The following GLRB variants were observed in gnomAD, a reference collection of about 807,000 sequenced individuals.
GLRB encodes glycine receptor beta.
In GLRB, 33 loss-of-function variants were observed where a neutral mutation model predicts 54.2. That is an observed-to-expected ratio of 0.61 (90% CI 0.46 to 0.81). The LOEUF (loss-of-function observed/expected upper bound fraction) is 0.81, where lower values mean the gene tolerates loss of function less well. Ranked by LOEUF, GLRB falls within the 40% of genes least tolerant of loss-of-function variation. The pLI, the probability that GLRB is intolerant of heterozygous loss-of-function variation, is 0.00. For synonymous variants in GLRB, 209 were observed against 208.2 expected (o/e 1.00, Z -0.03); for missense variants, 572 against 584.6 (o/e 0.98, Z 0.22).
At chr4:157,096,180 C>G (rs564256432) in intron 2 of GLRB, among the ~76,000 whole-genome samples, 31 of 152,266 alleles carry the variant, frequency 2.0e-4, no homozygotes, top group African/African-American at 7.5e-4. Flanking sequence ...CAATCACACC[C>G]CCATTCCTCG....
At chr4:157,125,515 T>A (rs1419383309) in intron 4 of GLRB, among the ~76,000 whole-genome samples, 1 of 151,908 alleles carries the variant, frequency 6.6e-6, no homozygotes, top group Admixed American at 6.6e-5. Context: ...AATTTAAAAT[T>A]TCACAGTAGT....
At position 157,104,196 on chromosome 4, in the gene GLRB, T is replaced by C. The variant is rs542833853; in HGVS notation, c.123-16360T>C. Among the ~76,000 whole-genome samples, 16 of 152,338 alleles carry C rather than the reference T, an allele frequency of 1.1e-4. No individual in the cohort carries two copies. The East Asian group carries it at 1.3e-3, about 13-fold the overall frequency. On this transcript the variant is annotated intron_variant, in intron 2 of 9. Coordinates refer to ENST00000264428, the MANE Select transcript of GLRB (RefSeq NM_000824.5). ...TGATGTTCTCTGTGAGCTTTTCATA[T>C]AGGACTTTTATAATGTGAAGTAATT...
At chr4:157,090,701 A>G (rs1175541909) in intron 2 of GLRB, among the ~76,000 whole-genome samples, 2 of 152,138 alleles carry the variant, frequency 1.3e-5, no homozygotes, top group African/African-American at 4.8e-5. Flanking sequence ...TCCAATTGTG[A>G]TTGATTTTAT....
intron 4 of GLRB, among the ~76,000 whole-genome samples, chr4:157,124,418 A>C (rs1420477204): frequency 6.6e-6 from 1 of 151,652 alleles, no homozygotes; most frequent in East Asian, 1.9e-4. Context: ...TATTCCTTTT[A>C]TTCTCTAATG....
intron 4 of GLRB, among the ~76,000 whole-genome samples, chr4:157,129,355 A>T (rs2126549732): frequency 6.6e-6 from 1 of 151,960 alleles, no homozygotes; most frequent in Admixed American, 6.6e-5. Context: ...AATAGGTTTC[A>T]AAGATGGTTA....
At chr4:157,170,297 A>G in intron 9 of GLRB, 135 bp from the exon 10 acceptor site, 2 of 630,074 alleles carry the variant, frequency 3.2e-6, no homozygotes. Flanking sequence ...TCAGATAACC[A>G]TTCTCTCTGT....
intron 2 of GLRB, among the ~76,000 whole-genome samples, chr4:157,081,738 C>T (rs538247935): frequency 9.4e-4 from 143 of 152,278 alleles, no homozygotes; most frequent in African/African-American, 3.2e-3. Context: ...TTTCCTGCAT[C>T]TTATCCTCCT....
At chr4:157,165,633 T>C (rs957533533) in intron 9 of GLRB, among the ~76,000 whole-genome samples, 37 of 151,642 alleles carry the variant, frequency 2.4e-4, no homozygotes, top group Non-Finnish European at 4.0e-4. Context: ...GTCTGGAGGA[T>C]TTTTTTTCCC....
chr4:157,087,067 T>C (rs761153160), intron 2 of GLRB, among the ~76,000 whole-genome samples: 4 of 152,182 alleles, frequency 2.6e-5, no homozygotes, highest in African/African-American at 4.8e-5. Flanking sequence ...TATACTTTTA[T>C]ATCCTGCCCT....
intron 2 of GLRB, among the ~76,000 whole-genome samples, chr4:157,107,645 C>T (rs901554524): frequency 2.6e-5 from 4 of 152,036 alleles, no homozygotes; most frequent in Non-Finnish European, 4.4e-5. Context: ...GAGGTTGGTT[C>T]ATGAGGTTGA....
intron 9 of GLRB, among the ~76,000 whole-genome samples, chr4:157,156,847 GA>G (rs1244083095): frequency 6.6e-6 from 1 of 152,136 alleles, no homozygotes; most frequent in Non-Finnish European, 1.5e-5. Flanking sequence ...TATGATGAGT[GA>G]TTTTGTATTG....
intron 9 of GLRB, among the ~76,000 whole-genome samples, chr4:157,154,719 A>G (rs1451139272): frequency 6.6e-6 from 1 of 151,792 alleles, no homozygotes; most frequent in Non-Finnish European, 1.5e-5. Flanking sequence ...GAGCCACTGC[A>G]CTTGGCCCTC....
chr4:157,170,454 A>G lies in GLRB; in HGVS notation c.1220A>G (p.Lys407Arg). 6.2e-7 allele frequency: 1 copy of G among 1,606,492 alleles called. No homozygotes were observed. Among genetic ancestry groups the G allele is most frequent in the Non-Finnish European group, 8.5e-7 (1 of 1,173,436 alleles). Reference sequence around the variant, plus strand: ...TAGGTTGGTGAGACCAGATGCAAAAAAGTTTGTACTTCTAAGTCTGATCTG... The same window carrying G: ...TAGGTTGGTGAGACCAGATGCAAAAGAGTTTGTACTTCTAAGTCTGATCTG... ...TLQVGETRCK[K>R]VCTSKSDLRS... The change falls in exon 10 of 10, where the codon AAA becomes AGA. Residue 407 changes from lysine to arginine, a missense_variant. Lys to Arg is a conservative substitution (Grantham distance 26). Coordinates refer to ENST00000264428, the MANE Select transcript of GLRB (RefSeq NM_000824.5).
intron 2 of GLRB, among the ~76,000 whole-genome samples, chr4:157,086,858 C>T (rs1274512263): frequency 6.6e-6 from 1 of 152,130 alleles, no homozygotes; most frequent in Non-Finnish European, 1.5e-5. Flanking sequence ...TGCCCAAGAT[C>T]TCATGGGCCT....
chr4:157,162,231 T>G (rs1402270933), intron 9 of GLRB, among the ~76,000 whole-genome samples: 1 of 152,194 alleles, frequency 6.6e-6, no homozygotes, highest in Non-Finnish European at 1.5e-5. Flanking sequence ...TAACCATTCA[T>G]CTCGTCTTTT....
At chr4:157,123,076 C>T (rs1243082686) in intron 4 of GLRB, among the ~76,000 whole-genome samples, 1 of 151,706 alleles carries the variant, frequency 6.6e-6, no homozygotes, top group Non-Finnish European at 1.5e-5. Context: ...TAGTAGATTT[C>T]CTAAGCCTCT....
At chr4:157,111,334 G>A (rs542638029) in intron 2 of GLRB, among the ~76,000 whole-genome samples, 3 of 152,050 alleles carry the variant, frequency 2.0e-5, no homozygotes, top group Admixed American at 6.6e-5. Context: ...GTCCTCAGGG[G>A]CCTAGTGTGC....
At chr4:157,147,697 G>A (rs72980542) in intron 8 of GLRB, among the ~76,000 whole-genome samples, 3,291 of 152,212 alleles carry the variant, frequency 0.022, 76 homozygotes, top group African/African-American at 0.051. Context: ...CTTGAGAAAG[G>A]AAGAGGGGAT....
At chr4:157,121,804 C>A (rs1735832623) in intron 3 of GLRB, among the ~76,000 whole-genome samples, 1 of 151,500 alleles carries the variant, frequency 6.6e-6, no homozygotes, top group Non-Finnish European at 1.5e-5. Flanking sequence ...AAAGGTCAGG[C>A]AAAAATCTTT....
Sources: allele counts gnomAD v4.1 joint callset (sites outside exome capture counted in the v4.1 genomes callset), GRCh38; gene constraint gnomAD v4.1.1; transcripts MANE v1.5; gene names NCBI Gene and HGNC (gene_info 2026-07-23, HGNC 2026-07-21).